STAG1: variants seen among roughly 807,000 people sequenced by gnomAD.
STAG1 encodes the protein cohesin subunit SA-1.
Under a neutral mutation model 170.9 loss-of-function variants are expected in STAG1, and 26 were observed. That is an observed-to-expected ratio of 0.15 (90% CI 0.11 to 0.21). STAG1 has a LOEUF of 0.21. Among genes scored for constraint, STAG1 ranks in the 10% least tolerant of loss-of-function variants. The pLI is 1.00. For synonymous variants in STAG1, 514 were observed against 497.7 expected (o/e 1.03, Z -0.44); for missense variants, 964 against 1,509.5 (o/e 0.64, Z 5.99).
intron 5 of STAG1, 56 bp from the exon 6 acceptor site, chr3:136,542,251 C>T: frequency 7.7e-7 from 1 of 1,303,464 alleles, no homozygotes; most frequent in Non-Finnish European, 1.1e-6. Context: ...GATCAATTTC[C>T]ACTCTCTCAA....
At chr3:136,622,339 G>C (rs1939902587) in intron 3 of STAG1, among the ~76,000 whole-genome samples, 1 of 151,468 alleles carries the variant, frequency 6.6e-6, no homozygotes, top group African/African-American at 2.4e-5. Context: ...AGAAGAAACA[G>C]GCCCTTATTT....
intron 1 of STAG1, among the ~76,000 whole-genome samples, chr3:136,723,205 A>G (rs1271159082): frequency 6.7e-6 from 1 of 148,458 alleles, no homozygotes; most frequent in Non-Finnish European, 1.5e-5. Flanking sequence ...CTGGAAAGTG[A>G]GGAGCGTCTC....
At chr3:136,374,486 G>A (rs929852135) in intron 23 of STAG1, among the ~76,000 whole-genome samples, 3 of 151,992 alleles carry the variant, frequency 2.0e-5, no homozygotes, top group Admixed American at 6.6e-5. Flanking sequence ...GTGTGGTGGT[G>A]CACGCCTGTA....
intron 4 of STAG1, among the ~76,000 whole-genome samples, chr3:136,594,795 A>G (rs1169656381): frequency 1.3e-5 from 2 of 152,102 alleles, no homozygotes; most frequent in Non-Finnish European, 1.5e-5. Context: ...TTTGAGACAG[A>G]GTCTCACTCC....
chr3:136,420,202 G>A (rs1245877657), intron 20 of STAG1, among the ~76,000 whole-genome samples: 3 of 147,830 alleles, frequency 2.0e-5, no homozygotes, highest in Non-Finnish European at 3.0e-5. Context: ...AGCCGAGATC[G>A]GGCCACTACA....
At chr3:136,717,245 A>C (rs903043180) in intron 1 of STAG1, among the ~76,000 whole-genome samples, 1 of 152,250 alleles carries the variant, frequency 6.6e-6, no homozygotes, top group African/African-American at 2.4e-5. Context: ...ATATGGACTG[A>C]GGCTCAAAAA....
intron 1 of STAG1, among the ~76,000 whole-genome samples, chr3:136,657,760 T>G (rs1941440514): frequency 6.6e-6 from 1 of 152,114 alleles, no homozygotes; most frequent in Admixed American, 6.6e-5. Context: ...AGGCACAGGT[T>G]GCAGTGAGCC....
chr3:136,653,393 C>T (rs964401832), intron 1 of STAG1, among the ~76,000 whole-genome samples: 7 of 152,208 alleles, frequency 4.6e-5, no homozygotes, highest in African/African-American at 1.7e-4. Context: ...AATAGACAGC[C>T]ATTACATTCT....
intron 1 of STAG1, among the ~76,000 whole-genome samples, chr3:136,688,231 T>C (rs189233183): frequency 1.2e-4 from 18 of 152,236 alleles, no homozygotes; most frequent in Middle Eastern, 3.4e-3. Context: ...ACATAGGGAC[T>C]GGCGACAGGG....
At chr3:136,486,999 C>CAAAAAAAAAAAAA (rs536392595) in intron 9 of STAG1, among the ~76,000 whole-genome samples, 2 of 54,662 alleles carry the variant, frequency 3.7e-5, no homozygotes, top group African/African-American at 1.8e-4. Context: ...TTTATTTCTT[C>CAAAAAAAAAAAAA]AAAAAAAAAA....
At chr3:136,643,035 C>T (rs1940862404) in intron 1 of STAG1, among the ~76,000 whole-genome samples, 2 of 152,224 alleles carry the variant, frequency 1.3e-5, no homozygotes, top group South Asian at 4.1e-4. Context: ...AGGGCCTACG[C>T]TAAATGCCTA....
At chr3:136,499,392 C>A (rs1326642867) in intron 9 of STAG1, among the ~76,000 whole-genome samples, 3 of 152,032 alleles carry the variant, frequency 2.0e-5, no homozygotes. Context: ...TAACTCCTGG[C>A]CTCAAGTGAT....
intron 1 of STAG1, among the ~76,000 whole-genome samples, chr3:136,648,741 A>G (rs567364300): frequency 6.6e-6 from 1 of 151,764 alleles, no homozygotes; most frequent in African/African-American, 2.4e-5. Context: ...TACCTGTAAA[A>G]TGTATGTTAA....
At chr3:136,471,110 G>C (rs1431241296) in intron 12 of STAG1, among the ~76,000 whole-genome samples, 1 of 90,710 alleles carries the variant, frequency 1.1e-5, no homozygotes, top group African/African-American at 3.8e-5. Flanking sequence ...ATGTACCCCA[G>C]AAGTTAAATT....
At chr3:136,362,706 AT>A (rs1323073166) in intron 26 of STAG1, among the ~76,000 whole-genome samples, 1 of 151,914 alleles carries the variant, frequency 6.6e-6, no homozygotes, top group Non-Finnish European at 1.5e-5. Flanking sequence ...GATTTAAAAA[AT>A]ATCCTCTTAT....
At chr3:136,540,270 T>G (rs917307762) in intron 6 of STAG1, among the ~76,000 whole-genome samples, 25 of 151,990 alleles carry the variant, frequency 1.6e-4, no homozygotes, top group African/African-American at 5.6e-4. Flanking sequence ...AGTAAGTATT[T>G]TCACTTTAAA....
chr3:136,621,339 CAT>C (rs1275862599), intron 3 of STAG1, among the ~76,000 whole-genome samples: 18 of 152,172 alleles, frequency 1.2e-4, no homozygotes, highest in East Asian at 3.8e-4. Context: ...AGTAAGCAAA[CAT>C]GTGGGCAATT....
intron 29 of STAG1, among the ~76,000 whole-genome samples, chr3:136,344,245 A>C (rs949350315): frequency 6.6e-6 from 1 of 152,188 alleles, no homozygotes; most frequent in African/African-American, 2.4e-5. Context: ...TAAATGAGGT[A>C]ATGTATGTAA....
intron 1 of STAG1, among the ~76,000 whole-genome samples, chr3:136,650,066 C>CA (rs1191603690): frequency 2.7e-5 from 4 of 150,526 alleles, no homozygotes; most frequent in East Asian, 2.0e-4. Flanking sequence ...CACGCCCAGC[C>CA]AAAAAAAAAT....
Sources: allele counts gnomAD v4.1 joint callset (sites outside exome capture counted in the v4.1 genomes callset), GRCh38; gene constraint gnomAD v4.1.1; transcripts MANE v1.5; gene names NCBI Gene and HGNC (gene_info 2026-07-23, HGNC 2026-07-21).